The following RALGAPB variants were observed in gnomAD, a reference collection of about 807,000 sequenced individuals.
RALGAPB encodes ral GTPase-activating protein subunit beta.
Under a neutral mutation model 161.1 loss-of-function variants are expected in RALGAPB, and 25 were observed. That is an observed-to-expected ratio of 0.16 (90% confidence interval 0.11 to 0.22). The LOEUF is 0.22. Ranked by LOEUF, RALGAPB falls within the 10% of genes least tolerant of loss-of-function variation. The probability of loss-of-function intolerance (pLI) is 1.00; values close to 1 mark genes in which losing one functional copy is unlikely to be tolerated. For synonymous variants in RALGAPB, 629 were observed against 626.1 expected (o/e 1.00, Z -0.07); for missense variants, 1,391 against 1,815.2 (o/e 0.77, Z 4.25).
At chr20:38,524,134 A>C (rs2061006288) in intron 10 of RALGAPB, among the ~76,000 whole-genome samples, 1 of 152,186 alleles carries the variant, frequency 6.6e-6, no homozygotes, top group African/African-American at 2.4e-5. Context: ...AATGCTTAGT[A>C]AGTTGATTAG....
chr20:38,519,625 T>G (rs1336245584), intron 9 of RALGAPB, among the ~76,000 whole-genome samples: 4 of 152,170 alleles, frequency 2.6e-5, no homozygotes, highest in Non-Finnish European at 5.9e-5. Context: ...ACATCTTACT[T>G]TAAAATTTTT....
chr20:38,477,543 T>G (rs2084843325), intron 1 of RALGAPB, among the ~76,000 whole-genome samples: 1 of 152,220 alleles, frequency 6.6e-6, no homozygotes, highest in African/African-American at 2.4e-5. Context: ...TATTGATGTT[T>G]GCCTTATGGG....
chr20:38,511,924 C>T (rs2085971204), intron 6 of RALGAPB, among the ~76,000 whole-genome samples: 3 of 152,108 alleles, frequency 2.0e-5, no homozygotes, highest in South Asian at 2.1e-4. Context: ...AGGCGCCCCC[C>T]ACCTCCCAGA....
At chr20:38,560,708 T>C (rs916234841) in intron 23 of RALGAPB, among the ~76,000 whole-genome samples, 2 of 152,196 alleles carry the variant, frequency 1.3e-5, no homozygotes, top group African/African-American at 4.8e-5. Context: ...CCTAACCCAG[T>C]TCAGTTTCCT....
At chr20:38,570,914 A>G in intron 28 of RALGAPB, 67 bp downstream of exon 28, 1 of 1,058,882 alleles carries the variant, frequency 9.4e-7, no homozygotes, top group Admixed American at 2.2e-5. Context: ...AGCTTAATAA[A>G]TAAGGAATTA....
chr20:38,550,915 CT>C (rs2087351990), intron 20 of RALGAPB, among the ~76,000 whole-genome samples, 155 bp from the exon 21 acceptor site: 3 of 152,148 alleles, frequency 2.0e-5, no homozygotes, highest in African/African-American at 7.2e-5. Context: ...GGCTGCTTCC[CT>C]TTGCTGTTAT....
In RALGAPB at chr20:38,578,279, G is replaced by C. The variant is rs906491882; in HGVS notation, c.*3312G>C. 1 of 152,168 alleles carries C rather than the reference G, an allele frequency of 6.6e-6. No homozygotes were observed. Among genetic ancestry groups the C allele is most frequent in the Non-Finnish European group, 1.5e-5 (1 of 68,032 alleles). 9.4% of individuals were successfully genotyped at this position (152,168 alleles called of 1,614,324 possible). A position where few individuals can be genotyped will look rare whatever the true frequency, so the allele number is the denominator to read the frequency against. On this transcript the variant is annotated 3_prime_UTR_variant, in exon 30 of 30. Transcript: ENST00000262879. ...TGGAGAGATTGGAGGTGGTCTATCC[G>C]TACGATGTGGAATCAAACGGTGGGT... is the stretch of plus-strand genomic sequence containing the variant.
In RALGAPB at chr20:38,551,227, A is replaced by G; in HGVS notation, c.3162+4A>G. 3.1e-6 allele frequency: 5 copies of G among 1,612,952 alleles called. No homozygotes were observed. The highest frequency in any genetic ancestry group is 4.2e-6 in the Non-Finnish European group (5 of 1,179,122). On this transcript the variant is annotated splice_donor_region_variant and intron_variant, in intron 21 of 29. Transcript: ENST00000262879. Reference sequence around the variant, plus strand: ...GCATGAAATAGTCACTGAAGAAGTAAGTACATTATTTTTAGCTGTTGTCAA... The same window carrying G: ...GCATGAAATAGTCACTGAAGAAGTAGGTACATTATTTTTAGCTGTTGTCAA...
At chr20:38,525,049 G>A (rs2086416215) in intron 11 of RALGAPB, 104 bp downstream of exon 11, 1 of 1,161,704 alleles carries the variant, frequency 8.6e-7, no homozygotes, top group South Asian at 1.5e-5. Context: ...TGTCTTCATA[G>A]TCCAAGAGAA....
chr20:38,485,587 C>T (rs1296332009), intron 1 of RALGAPB, among the ~76,000 whole-genome samples: 2 of 152,068 alleles, frequency 1.3e-5, no homozygotes, highest in Admixed American at 6.6e-5. Context: ...CCACCACACC[C>T]GGCTAATTTT....
intron 14 of RALGAPB, among the ~76,000 whole-genome samples, chr20:38,532,065 T>G (rs1426393079): frequency 2.0e-5 from 3 of 152,148 alleles, no homozygotes; most frequent in Non-Finnish European, 4.4e-5. Flanking sequence ...TTTGTTTTGC[T>G]TTGGTTTTGA....
intron 14 of RALGAPB, among the ~76,000 whole-genome samples, chr20:38,532,354 G>C (rs1328102507): frequency 1.3e-5 from 2 of 152,188 alleles, no homozygotes; most frequent in Non-Finnish European, 2.9e-5. Context: ...AGCGCGCCTG[G>C]CCTTATTCAT....
chr20:38,570,014 T>C lies in RALGAPB; in HGVS notation c.4063+18T>C. On this transcript the variant is annotated intron_variant, in intron 27 of 29. Coordinates refer to ENST00000262879, the MANE Select transcript of RALGAPB (RefSeq NM_020336.4). The stretch of plus-strand genomic sequence containing the variant: ...TGATATAGGTACTGTATGAGGACTT[T>C]GTCCATAAATAAAATGGCAATATAT... 1 of 1,582,166 alleles carries C rather than the reference T, an allele frequency of 6.3e-7. No individual in the cohort carries two copies. Among genetic ancestry groups the C allele is most frequent in the Non-Finnish European group, 8.7e-7 (1 of 1,151,610 alleles).
rs575439207 is a variant in RALGAPB at position 38,576,448 on chromosome 20, G to T, written c.*1481G>T. 6.6e-6 allele frequency: 1 copy of T among 152,382 alleles called. No homozygotes were observed. The highest frequency in any genetic ancestry group is 6.5e-5 in the Admixed American group (1 of 15,272). 9.4% of individuals were successfully genotyped at this position (152,382 alleles called of 1,614,324 possible). A position where few individuals can be genotyped will look rare whatever the true frequency, so the allele number is the denominator to read the frequency against. The stretch of plus-strand genomic sequence containing the variant: ...CAAATGTCTCTTATTCCAGAAATGT[G>T]CATTTTGTCATCTATAAGCAAGAAA... On this transcript the variant is annotated 3_prime_UTR_variant, in exon 30 of 30. Coordinates refer to ENST00000262879, the MANE Select transcript of RALGAPB (RefSeq NM_020336.4).
At chr20:38,489,519 G>A (rs908761520) in intron 2 of RALGAPB, among the ~76,000 whole-genome samples, 1 of 152,150 alleles carries the variant, frequency 6.6e-6, no homozygotes, top group Admixed American at 6.5e-5. Context: ...TCATGAAGGG[G>A]CCCTGAGAAT....
intron 16 of RALGAPB, 35 bp downstream of exon 16, chr20:38,535,242 G>A: frequency 6.2e-7 from 1 of 1,608,166 alleles, no homozygotes. Context: ...TAACCCAACA[G>A]CCTTGGGCCT....
intron 27 of RALGAPB, 99 bp from the exon 28 acceptor site, chr20:38,570,670 G>T: frequency 7.1e-6 from 5 of 699,798 alleles, no homozygotes; most frequent in Middle Eastern, 2.6e-4. Flanking sequence ...CCATATATTT[G>T]CCACTCACTT....
intron 6 of RALGAPB, among the ~76,000 whole-genome samples, chr20:38,515,722 T>A (rs971631952): frequency 6.5e-5 from 9 of 138,708 alleles, no homozygotes; most frequent in African/African-American, 2.6e-4. Flanking sequence ...CATTGCTTTT[T>A]CTTTTTTTCT....
chr20:38,475,809 G>A (rs2084787297), intron 1 of RALGAPB, among the ~76,000 whole-genome samples: 2 of 151,866 alleles, frequency 1.3e-5, no homozygotes, highest in African/African-American at 2.4e-5. Context: ...TTGAGAGGGG[G>A]TTTCGCCATG....
Sources: gnomAD v4.1 joint callset for allele counts (sites outside exome capture counted in the v4.1 genomes callset) on GRCh38, gnomAD v4.1.1 for gene constraint, MANE v1.5 for transcripts, NCBI Gene and HGNC (gene_info 2026-07-23, HGNC 2026-07-21) for gene names.